The following HSPA12A variants were observed in gnomAD, a reference collection of about 807,000 sequenced individuals.
HSPA12A encodes the protein heat shock 70 kDa protein 12A.
HSPA12A carries 28 observed loss-of-function variants against 69.2 expected under a neutral mutation model. The ratio of observed to expected loss-of-function variants is 0.40; its 90% CI spans 0.30 to 0.55. HSPA12A has a LOEUF of 0.55. HSPA12A is among the 20% of genes least tolerant of loss of function. The pLI, the probability that HSPA12A is intolerant of heterozygous loss-of-function variation, is 0.38. For synonymous variants in HSPA12A, 345 were observed against 370.5 expected, an observed-to-expected ratio of 0.93 and a Z score of 0.79; for missense variants, 686 against 900.7, an observed-to-expected ratio of 0.76 and a Z score of 3.05.
rs945988209 is a variant in HSPA12A, at chr10:116,764,535, C to T, written c.92-57250G>A. 5.9e-5 allele frequency among the ~76,000 whole-genome samples: 9 copies of T among 152,114 alleles called. 1 individual carries two copies. Among genetic ancestry groups the T allele is most frequent in the African/African-American group, 1.9e-4 (8 of 41,494 alleles). On this transcript the variant is annotated intron_variant, in intron 2 of 12. Coordinates refer to the HSPA12A transcript ENST00000635765. The stretch of plus-strand genomic sequence containing the variant: ...TGTTAAAAAGGAGTGGGGAAATATA[C>T]ATATATATTTATGTTTAGTTTTGCA...
chr10:116,689,612 C>CACAGACAG (rs58875112), intron 6 of HSPA12A, among the ~76,000 whole-genome samples: 1 of 150,550 alleles, frequency 6.6e-6, no homozygotes, highest in African/African-American at 2.5e-5. Context: ...CATACAGACA[C>CACAGACAG]ACAGACAGAC....
At chr10:116,681,711 C>T (rs1849407434) in intron 8 of HSPA12A, 80 bp downstream of exon 8, 4 of 1,316,824 alleles carry the variant, frequency 3.0e-6, no homozygotes, top group Non-Finnish European at 1.1e-6. Context: ...TCCAAAAGTG[C>T]AAAAGGGACA....
chr10:116,682,466 G>GGC (rs1554878784), intron 7 of HSPA12A, among the ~76,000 whole-genome samples: 1 of 149,284 alleles, frequency 6.7e-6, no homozygotes, highest in African/African-American at 2.5e-5. Context: ...GGGGGGGGGG[G>GGC]CCATTTCCTG....
chr10:116,835,277 C>A, intron 1 of HSPA12A: 1 of 224,034 alleles, frequency 4.5e-6, no homozygotes, highest in Non-Finnish European at 8.7e-6. Flanking sequence ...AGAGATAATG[C>A]CTTACTACAT....
rs782750330 is a variant in HSPA12A at position 116,705,265 on chromosome 10, G to A, written c.140C>T (p.Ser47Phe). 1 of 1,614,176 alleles carries A rather than the reference G, an allele frequency of 6.2e-7. No homozygotes were observed. Among genetic ancestry groups the A allele is most frequent in the Admixed American group, 1.7e-5 (1 of 60,034 alleles). ...SPSHIVNDTDSNVSEQQSFLV... is the reference protein window; with the variant it reads ...SPSHIVNDTDFNVSEQQSFLV... ...AAATGACTGCTGTTCTGAGACGTTG[G>A]AGTCAGTGTCGTTCTGCAGATATAC... Residue 47 changes from serine (S) to phenylalanine (F), a missense_variant, in exon 3 of 12, where the codon TCC becomes TTC. Ser to Phe is a radical substitution (Grantham distance 155). Coordinates refer to ENST00000369209, the MANE Select transcript of HSPA12A (RefSeq NM_025015.3).
chr10:116,707,508 T>C (rs1417922701), intron 1 of HSPA12A, among the ~76,000 whole-genome samples: 1 of 152,202 alleles, frequency 6.6e-6, no homozygotes, highest in African/African-American at 2.4e-5. Flanking sequence ...GCTCCTTTCC[T>C]CCCAGTCGCC....
chr10:116,688,153 G>T (rs1403889069), intron 6 of HSPA12A, among the ~76,000 whole-genome samples: 1 of 152,140 alleles, frequency 6.6e-6, no homozygotes, highest in African/African-American at 2.4e-5. Context: ...CAGGATGGTG[G>T]ATTTTCTAAC....
At chr10:116,791,919 T>C (rs1564821153) in intron 2 of HSPA12A, among the ~76,000 whole-genome samples, 2 of 152,074 alleles carry the variant, frequency 1.3e-5, no homozygotes, top group Non-Finnish European at 2.9e-5. Context: ...GCTTATCGAT[T>C]AGCTGGGCAA....
At chr10:116,827,620 G>A (rs1845533468) in intron 2 of HSPA12A, 1 of 152,330 alleles carries the variant, frequency 6.6e-6, no homozygotes, top group Non-Finnish European at 1.5e-5. Context: ...GGCCAGCGCA[G>A]TGGTGGGGAA....
chr10:116,762,048 T>C (rs926555609), intron 2 of HSPA12A, among the ~76,000 whole-genome samples: 1 of 152,246 alleles, frequency 6.6e-6, no homozygotes, highest in Non-Finnish European at 1.5e-5. Context: ...GCAGCTTATA[T>C]ACCAATATTC....
rs558758411 is a variant in HSPA12A, at chr10:116,766,127, T to C, written c.92-58842A>G. On this transcript the variant is annotated intron_variant, in intron 2 of 12. Coordinates refer to the HSPA12A transcript ENST00000635765. ...TGCCCCCTCTCCTCCCTTGTCCACC[T>C]TCAGTGCTGAGTGTGATCATGAGTA... is the stretch of plus-strand genomic sequence containing the variant. 8.5e-5 allele frequency among the ~76,000 whole-genome samples: 13 copies of C among 152,300 alleles called. No individual in the cohort carries two copies. In the South Asian group the frequency reaches 2.7e-3, roughly 32 times the overall value.
intron 2 of HSPA12A, among the ~76,000 whole-genome samples, chr10:116,804,237 C>T (rs1198696948): frequency 6.6e-6 from 1 of 152,284 alleles, no homozygotes; most frequent in East Asian, 1.9e-4. Flanking sequence ...CGCTTGTGGG[C>T]TGTTTGGTTC....
At position 116,768,610 on chromosome 10, in the gene HSPA12A, C is replaced by T. The variant is rs576745285; in HGVS notation, c.92-61325G>A. On this transcript the variant is annotated intron_variant, in intron 2 of 12. Transcript: ENST00000635765. ...CTCACTGCAACCTCGAACTCCTGGG[C>T]TCAAGTGAACCTCCTGTCTCAGCTT... is the stretch of plus-strand genomic sequence containing the variant. Among the ~76,000 whole-genome samples, 3 of 152,250 alleles carry T rather than the reference C, an allele frequency of 2.0e-5. No homozygotes were observed. In the East Asian group the frequency reaches 5.8e-4, roughly 29 times the overall value.
chr10:116,690,982 C>T (rs2132937536), intron 6 of HSPA12A, among the ~76,000 whole-genome samples: 1 of 152,356 alleles, frequency 6.6e-6, no homozygotes, highest in East Asian at 1.9e-4. Context: ...TGCCCCATTT[C>T]TGGGCCCTGC....
chr10:116,675,208 G>T lies in HSPA12A; in HGVS notation c.1601C>A (p.Pro534Gln). ...DPAVIKVRRS[P>Q]LTYGVGVLNR... ...CAGCACGCCTACCCCGTAGGTGAGCGGCGACCGGCGCACCTTGATGACCGC... is the reference window on the plus strand; with the variant it reads ...CAGCACGCCTACCCCGTAGGTGAGCTGCGACCGGCGCACCTTGATGACCGC... Residue 534 changes from proline (P) to glutamine (Q), a missense_variant, in exon 12 of 12, where the codon CCG (proline) becomes CAG (glutamine). Physicochemically the swap from Pro to Gln is moderately conservative, Grantham distance 76. Transcript: ENST00000369209. The surrounding 1 kb of genome is among the most constrained non-coding windows in gnomAD (Gnocchi z 5.2). 6.2e-7 allele frequency: 1 copy of T among 1,613,708 alleles called. No individual in the cohort carries two copies. The highest frequency in any genetic ancestry group is 2.2e-5 in the East Asian group (1 of 44,854).
upstream of HSPA12A, chr10:116,742,664 T>A: frequency 2.1e-6 from 2 of 937,126 alleles, no homozygotes; most frequent in Non-Finnish European, 2.6e-6. Context: ...GCCCCGCCCC[T>A]CCGAGCTCGG....
At chr10:116,690,435 C>A (rs538525294) in intron 6 of HSPA12A, among the ~76,000 whole-genome samples, 35 of 152,186 alleles carry the variant, frequency 2.3e-4, no homozygotes, top group Non-Finnish European at 4.4e-4. Context: ...GATCGCCGCC[C>A]TCTTTAAATC....
At chr10:116,810,498 T>C (rs1445597765) in intron 2 of HSPA12A, among the ~76,000 whole-genome samples, 1 of 152,232 alleles carries the variant, frequency 6.6e-6, no homozygotes, top group Admixed American at 6.5e-5. Context: ...CTTGCACTTA[T>C]ATATACAGTT....
At chr10:116,787,073 C>CT (rs1404493089) in intron 2 of HSPA12A, among the ~76,000 whole-genome samples, 1 of 151,878 alleles carries the variant, frequency 6.6e-6, no homozygotes, top group African/African-American at 2.4e-5. Flanking sequence ...GGGATACTGT[C>CT]GTGTTGGCAT....
Sources: allele counts gnomAD v4.1 joint callset (sites outside exome capture counted in the v4.1 genomes callset), GRCh38; gene constraint gnomAD v4.1.1; non-coding constraint Gnocchi (gnomAD v3.1); transcripts MANE v1.5; gene names NCBI Gene and HGNC (gene_info 2026-07-23, HGNC 2026-07-21).